The following PLK4 variants were observed in gnomAD, a reference collection of about 807,000 sequenced individuals.
The protein encoded by PLK4 is polo like kinase 4.
A neutral mutation model predicts 103.0 loss-of-function variants in PLK4; 51 were observed. That is an observed-to-expected ratio of 0.50 (90% CI 0.40 to 0.63). The LOEUF (loss-of-function observed/expected upper bound fraction) is 0.63. Ranked by LOEUF, PLK4 falls within the 20% of genes least tolerant of loss-of-function variation. The pLI is 0.00. For missense variants in PLK4, 1,054 were observed against 1,151.0 expected (o/e 0.92, Z 1.22); for synonymous variants, 389 against 376.8 (o/e 1.03, Z -0.38).
In PLK4 at chr4:127,881,008, G is replaced by T; in HGVS notation, c.-127G>T. The T allele has an allele frequency of 1.9e-6, 2 of 1,058,326 alleles. No individual in the cohort carries two copies. Among genetic ancestry groups the T allele is most frequent in the Non-Finnish European group, 2.9e-6 (2 of 701,390 alleles). 65.6% of individuals were successfully genotyped at this position (1,058,326 alleles called of 1,614,324 possible). A position where few individuals can be genotyped will look rare whatever the true frequency, so the allele number is the denominator to read the frequency against. On this transcript the variant is annotated 5_prime_UTR_variant, in exon 1 of 16. Transcript: ENST00000270861. ...AACTTTCCGTGGTTTCAGCGTCGTC[G>T]CCTGGAGCGGCGGTTTAGAGAGCCG...
Position 127,886,551 on chromosome 4 carries a change from A to G in PLK4, c.1181A>G (p.Tyr394Cys). Residue 394 changes from tyrosine (Y) to cysteine (C), a missense_variant, in exon 5 of 16, where the codon TAT becomes TGT. Around this residue, in one of 4 missense-constraint regions of PLK4, gnomAD observed 680 missense variants for 660.3 expected, o/e 1.03. Transcript: ENST00000270861. ...AATAGTCAGTCTCAAGCAAAAACAT[A>G]TACAATGGAACGATGTCACTCAGCA... ...TSNSQSQAKT[Y>C]TMERCHSAEM... 1 of 1,614,140 alleles carries G rather than the reference A, an allele frequency of 6.2e-7. No homozygotes were observed. Among genetic ancestry groups the G allele is most frequent in the Non-Finnish European group, 8.5e-7 (1 of 1,179,990 alleles).
At chr4:127,888,208 A>AAAAAAAAC (rs1433086164) in intron 6 of PLK4, among the ~76,000 whole-genome samples, 1 of 143,794 alleles carries the variant, frequency 7.0e-6, no homozygotes, top group Non-Finnish European at 1.5e-5. Context: ...AAAAAAAAAA[A>AAAAAAAAC]AAAAGCATTT....
intron 14 of PLK4, among the ~76,000 whole-genome samples, chr4:127,896,378 A>C (rs529637600): frequency 6.6e-6 from 1 of 152,322 alleles, no homozygotes; most frequent in Non-Finnish European, 1.5e-5. Flanking sequence ...TTCTCAGGCC[A>C]GGAAAGAAAT....
chr4:127,887,245 A>T (rs1735170812), intron 5 of PLK4, 151 bp from the exon 6 acceptor site: 2 of 559,830 alleles, frequency 3.6e-6, no homozygotes, highest in Non-Finnish European at 6.4e-6. Flanking sequence ...CTTTTTAAAG[A>T]TAGCATAGTT....
chr4:127,881,930 A>T lies in PLK4; in HGVS notation c.126+4A>T. ...TTTGGAAGTTGCAATCAAAATGGTA[A>T]GAATAAACTAATCAACTTCTCTCCT... On this transcript the variant is annotated splice_donor_region_variant and intron_variant, in intron 2 of 15. Coordinates refer to ENST00000270861, the MANE Select transcript of PLK4 (RefSeq NM_014264.5). 1 of 1,487,670 alleles carries T rather than the reference A, an allele frequency of 6.7e-7. No individual in the cohort carries two copies. The highest frequency in any genetic ancestry group is 1.1e-5 in the South Asian group (1 of 88,536). 92.2% of individuals were successfully genotyped at this position (1,487,670 alleles called of 1,614,324 possible).
intron 14 of PLK4, 52 bp from the exon 15 acceptor site, chr4:127,896,749 T>TA: frequency 2.1e-5 from 19 of 925,144 alleles, no homozygotes; most frequent in Non-Finnish European, 3.3e-5. Flanking sequence ...CTACTACTGC[T>TA]GTTTTTTTTT....
At chr4:127,891,035 G>C (rs1466325392) in intron 7 of PLK4, 57 bp from the exon 8 acceptor site, 1 of 933,670 alleles carries the variant, frequency 1.1e-6, no homozygotes, top group Non-Finnish European at 1.7e-6. Context: ...ATGTATGTCA[G>C]AGCTGTTCTA....
chr4:127,881,076 C>T lies in PLK4; in HGVS notation c.-59C>T. 1.3e-6 allele frequency: 2 copies of T among 1,597,834 alleles called. No homozygotes were observed. The highest frequency in any genetic ancestry group is 8.6e-7 in the Non-Finnish European group (1 of 1,165,970). ...GGCCGGCTGGCTGCTTGGAGCGCTG[C>T]CTCGAAGGGACTGCGTGAAGGAAGC... On this transcript the variant is annotated 5_prime_UTR_variant, in exon 1 of 16. Transcript: ENST00000270861.
At chr4:127,890,309 T>C in intron 7 of PLK4, 73 bp downstream of exon 7, 12 of 1,238,190 alleles carry the variant, frequency 9.7e-6, no homozygotes, top group Non-Finnish European at 1.4e-5. Flanking sequence ...ACATATTTTT[T>C]AGTCCTCTGT....
At chr4:127,898,340 T>C (rs1398902812) in intron 15 of PLK4, 99 bp from the exon 16 acceptor site, 2 of 644,676 alleles carry the variant, frequency 3.1e-6, no homozygotes, top group South Asian at 1.9e-5. Flanking sequence ...CCTCTTGTTA[T>C]TGAAGAATTA....
At chr4:127,896,773 T>C in intron 14 of PLK4, 28 bp from the exon 15 acceptor site, 2 of 1,334,474 alleles carry the variant, frequency 1.5e-6, no homozygotes, top group Non-Finnish European at 2.1e-6. Context: ...TCTGTGCCTG[T>C]TCTTACCCAT....
At chr4:127,885,655 T>C in intron 4 of PLK4, 53 bp from the exon 5 acceptor site, 1 of 1,377,482 alleles carries the variant, frequency 7.3e-7, no homozygotes, top group Non-Finnish European at 1.0e-6. Flanking sequence ...TACTAGATAC[T>C]GAATCTTCCA....
At chr4:127,894,378 C>A (rs1044410582) in intron 13 of PLK4, among the ~76,000 whole-genome samples, 22 of 152,198 alleles carry the variant, frequency 1.4e-4, no homozygotes, top group Admixed American at 2.0e-4. Context: ...AGGCGACCGC[C>A]ACCATGCCTG....
rs1040948999 is a variant in PLK4 at position 127,890,231 on chromosome 4, G to T, written c.1825G>T (p.Ala609Ser). Residue 609 changes from alanine to serine, a missense_variant, in exon 7 of 16, where the codon GCT becomes TCT. Around this residue, in one of 4 missense-constraint regions of PLK4, gnomAD observed 680 missense variants for 660.3 expected, o/e 1.03. Coordinates refer to ENST00000270861, the MANE Select transcript of PLK4 (RefSeq NM_014264.5). ...LKPIRQKTKKAVVSILDSEEV... is the reference protein window; with the variant it reads ...LKPIRQKTKKSVVSILDSEEV... ...ACCAATCAGACAGAAAACCAAAAAG[G>T]CTGTGGTATGTCTGTTATCTTCTTA... 3 of 1,594,054 alleles carry T rather than the reference G, an allele frequency of 1.9e-6. No individual in the cohort carries two copies. The highest frequency in any genetic ancestry group is 2.6e-6 in the Non-Finnish European group (3 of 1,169,972).
Position 127,881,174 on chromosome 4 carries a change from C to T in PLK4, c.30+10C>T. ...CGGGGAGAAGATCGAGGTGAAAAGA[C>T]TCGGCAGTCTGCAGCGGGGCGGGTG... On this transcript the variant is annotated intron_variant, in intron 1 of 15. Coordinates refer to ENST00000270861, the MANE Select transcript of PLK4 (RefSeq NM_014264.5). 6.2e-7 allele frequency: 1 copy of T among 1,613,972 alleles called. No homozygotes were observed. Among genetic ancestry groups the T allele is most frequent in the Non-Finnish European group, 8.5e-7 (1 of 1,180,024 alleles).
chr4:127,890,159 C>A lies in PLK4; in HGVS notation c.1753C>A (p.Arg585Ser). 6.2e-7 allele frequency: 1 copy of A among 1,613,680 alleles called. No individual in the cohort carries two copies. Among genetic ancestry groups the A allele is most frequent in the Non-Finnish European group, 8.5e-7 (1 of 1,179,644 alleles). Residue 585 changes from arginine (R) to serine (S), a missense_variant, in exon 7 of 16, where the codon CGT becomes AGT. Around this residue, in one of 4 missense-constraint regions of PLK4, gnomAD observed 680 missense variants for 660.3 expected, o/e 1.03. Coordinates refer to ENST00000270861, the MANE Select transcript of PLK4 (RefSeq NM_014264.5). Reference protein sequence around the residue: ...GMEPPWGYQNRTLRSITSPLV... With the variant: ...GMEPPWGYQNSTLRSITSPLV... The stretch of plus-strand genomic sequence containing the variant: ...GGAGCCACCATGGGGTTATCAGAAT[C>A]GTACATTAAGAAGCATTACATCTCC...
Position 127,898,493 on chromosome 4 carries a change from G to A in PLK4, c.2865G>A (p.Leu955=). ...ACATCAAACAGAAATTACAGTGTCT[G>A]TCTTCCATCCTTTTGATGTTTTCTA... ...PDYIKQKLQC[L]SSILLMFSNP... The change falls in exon 16 of 16, where the codon CTG becomes CTA. Residue 955 remains leucine (L), a synonymous_variant. Transcript: ENST00000270861. 1 of 1,589,912 alleles carries A rather than the reference G, an allele frequency of 6.3e-7. No homozygotes were observed. The highest frequency in any genetic ancestry group is 8.6e-7 in the Non-Finnish European group (1 of 1,160,304).
intron 13 of PLK4, among the ~76,000 whole-genome samples, chr4:127,894,093 C>T (rs1359922880): frequency 6.6e-6 from 1 of 152,196 alleles, no homozygotes; most frequent in Non-Finnish European, 1.5e-5. Context: ...ATGCTGTTCA[C>T]TTGACCTGGA....
chr4:127,883,658 T>A, intron 4 of PLK4, 105 bp downstream of exon 4: 2 of 518,978 alleles, frequency 3.9e-6, no homozygotes, highest in Non-Finnish European at 6.9e-6. Context: ...ATAGTAAAAC[T>A]GTTTGAATTA....
Sources: gnomAD v4.1 joint callset for allele counts (sites outside exome capture counted in the v4.1 genomes callset) on GRCh38, gnomAD v4.1.1 for gene constraint, gnomAD v4.1.1 regional missense constraint, MANE v1.5 for transcripts, NCBI Gene and HGNC (gene_info 2026-07-23, HGNC 2026-07-21) for gene names.